The following KANK1 variants were observed in gnomAD, a reference collection of about 807,000 sequenced individuals.
KANK1 encodes KN motif and ankyrin repeat domains 1.
KANK1 carries 109 observed loss-of-function variants against 106.2 expected under a neutral mutation model. That is an observed-to-expected ratio of 1.03 (90% confidence interval 0.88 to 1.20). KANK1 has a LOEUF of 1.20. Ranked by LOEUF, KANK1 falls within the 50% of genes most tolerant of loss-of-function variation. KANK1 has a pLI of 0.00. For synonymous variants in KANK1, 873 were observed against 652.2 expected (o/e 1.34, Z -5.16); for missense variants, 2,399 against 1,710.7 (o/e 1.40, Z -7.10).
intron 2 of KANK1, among the ~76,000 whole-genome samples, chr9:692,035 A>T (rs1004081903): frequency 6.6e-6 from 1 of 152,170 alleles, no homozygotes; most frequent in Non-Finnish European, 1.5e-5. Flanking sequence ...GCCAGTTCTA[A>T]ACAATAAAAC....
chr9:562,990 G>T (rs1001099909), intron 1 of KANK1, among the ~76,000 whole-genome samples: 1 of 152,134 alleles, frequency 6.6e-6, no homozygotes. Context: ...ATTCTTACAA[G>T]CAGGGAAGCA....
intron 1 of KANK1, among the ~76,000 whole-genome samples, chr9:525,265 G>T (rs1012695876): frequency 6.6e-6 from 1 of 151,372 alleles, no homozygotes; most frequent in Admixed American, 6.6e-5. Context: ...AAAGTGCTGG[G>T]ATTACAGGCG....
At chr9:710,770 ATG>A in intron 2 of KANK1, 32 bp from the exon 3 acceptor site, 1 of 1,533,138 alleles carries the variant, frequency 6.5e-7, no homozygotes, top group Non-Finnish European at 8.8e-7. Flanking sequence ...GGTGTATTGC[ATG>A]TCATTATAAT....
chr9:609,473 C>T (rs1445667542), intron 1 of KANK1, among the ~76,000 whole-genome samples: 4 of 151,934 alleles, frequency 2.6e-5, no homozygotes, highest in Admixed American at 2.0e-4. Context: ...ACTAAAAATA[C>T]AAAAAATTAG....
At position 730,137 on chromosome 9, in the gene KANK1, G is replaced by A; in HGVS notation, c.2785G>A (p.Val929Met). Residue 929 changes from valine (V) to methionine (M), a missense_variant, in exon 4 of 12, where the codon GTG (valine) becomes ATG (methionine). Physicochemically the swap from Val to Met is conservative, Grantham distance 21. Coordinates refer to ENST00000382297, the MANE Select transcript of KANK1 (RefSeq NM_015158.5). ...CCAGACATCCCAGCCTGAGCAAGAA[G>A]TGGGGACCTCAGAAGGAAAGCCAAT... is the stretch of plus-strand genomic sequence containing the variant. ...SSQTSQPEQE[V>M]GTSEGKPISS... The A allele has an allele frequency of 6.2e-7, 1 of 1,614,096 alleles. No individual in the cohort carries two copies. The highest frequency in any genetic ancestry group is 2.2e-5 in the East Asian group (1 of 44,896).
chr9:709,105 C>T (rs1163292294), intron 2 of KANK1, among the ~76,000 whole-genome samples: 1 of 152,136 alleles, frequency 6.6e-6, no homozygotes. Context: ...CATGACAATA[C>T]AAAACAAGGT....
rs377680145 is a variant in KANK1 at position 555,022 on chromosome 9, C to T, written c.-84+50268C>T. Among the ~76,000 whole-genome samples the T allele has an allele frequency of 7.2e-5, 11 of 152,292 alleles. No individual in the cohort carries two copies. The East Asian group carries it at 1.2e-3, about 16-fold the overall frequency. ...ATGTTTTACCGGCTGCCTGGGCATCCGTTTGCCCAGTCAAGTTGGCACGTG... is the reference window on the plus strand; with the variant it reads ...ATGTTTTACCGGCTGCCTGGGCATCTGTTTGCCCAGTCAAGTTGGCACGTG... On this transcript the variant is annotated intron_variant, in intron 1 of 11. Transcript: ENST00000382297.
At chr9:689,153 C>T (rs147770656) in intron 2 of KANK1, among the ~76,000 whole-genome samples, 7 of 152,160 alleles carry the variant, frequency 4.6e-5, no homozygotes, top group African/African-American at 1.7e-4. Context: ...ATTATGAGAC[C>T]ATCTCTTCTT....
At chr9:524,331 C>A (rs957615312) in intron 1 of KANK1, among the ~76,000 whole-genome samples, 2 of 149,078 alleles carry the variant, frequency 1.3e-5, no homozygotes, top group African/African-American at 5.1e-5. Flanking sequence ...AATAACTCTG[C>A]CTTTTATTGT....
At chr9:738,953 T>TTAGTCA (rs1345752755) in intron 8 of KANK1, among the ~76,000 whole-genome samples, 1 of 152,174 alleles carries the variant, frequency 6.6e-6, no homozygotes, top group Non-Finnish European at 1.5e-5. Flanking sequence ...AAGTGTGTGG[T>TTAGTCA]TAGTCAAGAT....
In KANK1 at chr9:644,094, A is replaced by G. The variant is rs997261631; in HGVS notation, c.-83-32796A>G. ...ATTTGTTCTTACCAATGCAGTGATT[A>G]CATTGGTTCTTCTACATTCAGTAGA... is the stretch of plus-strand genomic sequence containing the variant. On this transcript the variant is annotated intron_variant, in intron 1 of 11. Transcript: ENST00000382297. Among the ~76,000 whole-genome samples the G allele has an allele frequency of 1.2e-4, 18 of 151,034 alleles. 1 individual carries two copies. The highest frequency in any genetic ancestry group is 3.2e-3 in the Middle Eastern group (1 of 316).
At chr9:556,265 G>A (rs957598327) in intron 1 of KANK1, among the ~76,000 whole-genome samples, 1 of 152,278 alleles carries the variant, frequency 6.6e-6, no homozygotes, top group Middle Eastern at 3.4e-3. Context: ...TAATTAACGA[G>A]CATGCATTGC....
intron 1 of KANK1, among the ~76,000 whole-genome samples, chr9:526,476 G>A (rs888258574): frequency 1.3e-5 from 2 of 151,754 alleles, no homozygotes; most frequent in Non-Finnish European, 2.9e-5. Flanking sequence ...ACTTTGGGAG[G>A]CCGAGGCTGG....
chr9:538,364 G>A (rs1037592695), intron 1 of KANK1, among the ~76,000 whole-genome samples: 4 of 152,138 alleles, frequency 2.6e-5, no homozygotes, highest in Non-Finnish European at 4.4e-5. Flanking sequence ...TAAAGGAGGG[G>A]CAGACATCTT....
chr9:737,066 T>C (rs1375817450), intron 7 of KANK1, among the ~76,000 whole-genome samples: 1 of 152,192 alleles, frequency 6.6e-6, no homozygotes, highest in Non-Finnish European at 1.5e-5. Flanking sequence ...AAGTATTGTG[T>C]TGTGAAAAGT....
At chr9:684,822 G>C (rs1282306028) in intron 2 of KANK1, among the ~76,000 whole-genome samples, 1 of 152,078 alleles carries the variant, frequency 6.6e-6, no homozygotes, top group Non-Finnish European at 1.5e-5. Context: ...TCTATAAAAG[G>C]TGGTTTGATT....
chr9:582,507 C>G (rs1329760292), intron 1 of KANK1, among the ~76,000 whole-genome samples: 1 of 152,142 alleles, frequency 6.6e-6, no homozygotes, highest in Non-Finnish European at 1.5e-5. Flanking sequence ...CACTTTTGCC[C>G]TCAGAATCCT....
chr9:636,440 C>G lies in KANK1; in HGVS notation c.-83-40450C>G, dbSNP rs1357297651. Among the ~76,000 whole-genome samples, 4 of 152,138 alleles carry G rather than the reference C, an allele frequency of 2.6e-5. No individual in the cohort carries two copies. In the South Asian group the frequency reaches 8.3e-4, roughly 32 times the overall value. ...TTTTTCCTGCCTGGATTGTAAACAT[C>G]TCATTTCTCTTCTGTTCCACAGCAT... On this transcript the variant is annotated intron_variant, in intron 1 of 11. Transcript: ENST00000382297.
chr9:705,585 A>G (rs1171101985), intron 2 of KANK1, among the ~76,000 whole-genome samples: 3 of 150,414 alleles, frequency 2.0e-5, no homozygotes, highest in East Asian at 2.0e-4. Flanking sequence ...GAAAAAAAAA[A>G]TGTATATTTT....
Sources: allele counts gnomAD v4.1 joint callset (sites outside exome capture counted in the v4.1 genomes callset), GRCh38; gene constraint gnomAD v4.1.1; transcripts MANE v1.5; gene names NCBI Gene and HGNC (gene_info 2026-07-23, HGNC 2026-07-21).